The following ASTN2 variants were observed in gnomAD, a reference collection of about 807,000 sequenced individuals.
The protein encoded by ASTN2 is astrotactin 2, also known as astrotactin-2.
ASTN2 carries 54 observed loss-of-function variants against 139.8 expected under a neutral mutation model. The ratio of observed to expected loss-of-function variants is 0.39; its 90% CI spans 0.31 to 0.48. ASTN2 has a LOEUF of 0.48. Among genes scored for constraint, ASTN2 ranks in the 20% least tolerant of loss-of-function variants. The pLI is 0.95. For missense variants in ASTN2, 1,565 were observed against 1,725.1 expected, an observed-to-expected ratio of 0.91 and a Z score of 1.64; for synonymous variants, 756 against 719.5, an observed-to-expected ratio of 1.05 and a Z score of -0.81.
chr9:116,636,140 C>T (rs1488622711), intron 17 of ASTN2, among the ~76,000 whole-genome samples: 1 of 152,168 alleles, frequency 6.6e-6, no homozygotes, highest in Admixed American at 6.5e-5. Flanking sequence ...GCTCCATAAC[C>T]TACTGCTATG....
At chr9:116,839,023 T>A (rs1832106956) in intron 11 of ASTN2, among the ~76,000 whole-genome samples, 1 of 152,204 alleles carries the variant, frequency 6.6e-6, no homozygotes, top group Admixed American at 6.5e-5. Flanking sequence ...AAGGACTAGG[T>A]AAGTATTTGA....
At chr9:116,427,897 T>A (rs1847359877) in intron 22 of ASTN2, among the ~76,000 whole-genome samples, 1 of 152,274 alleles carries the variant, frequency 6.6e-6, no homozygotes, top group Admixed American at 6.5e-5. Flanking sequence ...TCTGGCTTCA[T>A]TCTTTAATAA....
intron 13 of ASTN2, among the ~76,000 whole-genome samples, chr9:116,734,056 G>A (rs111736771): frequency 2.0e-5 from 3 of 152,190 alleles, no homozygotes; most frequent in African/African-American, 7.2e-5. Flanking sequence ...TTTGTTAAAT[G>A]GAAGGGCCCT....
chr9:116,847,026 AC>A (rs367667619), intron 11 of ASTN2, among the ~76,000 whole-genome samples: 4,667 of 121,950 alleles, frequency 0.038, 254 homozygotes, highest in African/African-American at 0.12. Flanking sequence ...AAAAAAAAAA[AC>A]AAAAAACAAA....
intron 2 of ASTN2, among the ~76,000 whole-genome samples, chr9:117,224,868 T>C (rs1832651003): frequency 6.6e-6 from 1 of 152,154 alleles, no homozygotes; most frequent in African/African-American, 2.4e-5. Context: ...GTACCACCTG[T>C]TAGGTCTTGC....
At chr9:116,917,504 T>C (rs971828258) in intron 10 of ASTN2, among the ~76,000 whole-genome samples, 2 of 152,172 alleles carry the variant, frequency 1.3e-5, no homozygotes, top group Non-Finnish European at 2.9e-5. Flanking sequence ...AACTTTTGGG[T>C]CTGGAGACAA....
chr9:117,087,216 CTTTT>C (rs869122186), intron 5 of ASTN2, among the ~76,000 whole-genome samples: 2 of 133,804 alleles, frequency 1.5e-5, no homozygotes, highest in Admixed American at 7.9e-5. Context: ...TCATTTTTTT[CTTTT>C]TGTTTGTTTG....
intron 3 of ASTN2, among the ~76,000 whole-genome samples, chr9:117,170,803 G>T (rs1830773703): frequency 6.6e-6 from 1 of 152,122 alleles, no homozygotes; most frequent in Admixed American, 6.6e-5. Flanking sequence ...GAGGCAGGGA[G>T]CAGAGTGATT....
chr9:117,095,239 G>T (rs950343221), intron 5 of ASTN2, among the ~76,000 whole-genome samples: 1 of 152,166 alleles, frequency 6.6e-6, no homozygotes, highest in East Asian at 1.9e-4. Flanking sequence ...TCTCAAACTG[G>T]CTGCTTTCCC....
intron 19 of ASTN2, among the ~76,000 whole-genome samples, chr9:116,571,088 C>T (rs1231390966): frequency 1.3e-5 from 2 of 152,186 alleles, no homozygotes; most frequent in African/African-American, 4.8e-5. Context: ...TGGAGCTGAT[C>T]TCCCTGGAGA....
intron 2 of ASTN2, among the ~76,000 whole-genome samples, chr9:117,275,118 C>T (rs1379742038): frequency 2.0e-5 from 3 of 152,158 alleles, no homozygotes; most frequent in East Asian, 1.9e-4. Context: ...CTCTATTCTC[C>T]AATATCATCT....
At chr9:116,872,473 T>C (rs1338672150) in intron 10 of ASTN2, among the ~76,000 whole-genome samples, 2 of 152,142 alleles carry the variant, frequency 1.3e-5, no homozygotes, top group East Asian at 3.9e-4. Flanking sequence ...ACATGGTCCA[T>C]TTACTCAGTT....
At chr9:116,622,925 C>A (rs936642685) in intron 17 of ASTN2, among the ~76,000 whole-genome samples, 4 of 152,228 alleles carry the variant, frequency 2.6e-5, no homozygotes, top group African/African-American at 9.6e-5. Flanking sequence ...GATGCGACTG[C>A]ATGAGGTCAT....
At chr9:117,103,985 C>G (rs923148824) in intron 4 of ASTN2, among the ~76,000 whole-genome samples, 13 of 152,150 alleles carry the variant, frequency 8.5e-5, no homozygotes, top group African/African-American at 3.1e-4. Context: ...CTGCTATAGG[C>G]CAGGCACTTT....
chr9:116,471,615 G>A (rs1289896887), intron 20 of ASTN2, among the ~76,000 whole-genome samples: 1 of 151,964 alleles, frequency 6.6e-6, no homozygotes, highest in Non-Finnish European at 1.5e-5. Context: ...GGTGGAGGGA[G>A]GGGGGAATTC....
At chr9:117,376,696 T>A (rs1486872218) in intron 1 of ASTN2, among the ~76,000 whole-genome samples, 1 of 152,182 alleles carries the variant, frequency 6.6e-6, no homozygotes, top group Non-Finnish European at 1.5e-5. Flanking sequence ...CCAGGCTGTG[T>A]CACATTTCTG....
At chr9:116,906,166 G>C (rs1834153879) in intron 10 of ASTN2, among the ~76,000 whole-genome samples, 1 of 152,122 alleles carries the variant, frequency 6.6e-6, no homozygotes, top group Middle Eastern at 3.4e-3. Context: ...ACAGGCTCTT[G>C]GGAAGACAAG....
At chr9:116,580,145 A>T (rs1003703122) in intron 19 of ASTN2, among the ~76,000 whole-genome samples, 3 of 152,214 alleles carry the variant, frequency 2.0e-5, no homozygotes, top group Non-Finnish European at 4.4e-5. Flanking sequence ...AAAGTAAGAA[A>T]GTTAGAAGAT....
At chr9:117,330,756 T>A (rs1207733895) in intron 1 of ASTN2, among the ~76,000 whole-genome samples, 1 of 152,220 alleles carries the variant, frequency 6.6e-6, no homozygotes, top group Non-Finnish European at 1.5e-5. Flanking sequence ...AATTCCCACC[T>A]TTCTTTGTAG....
Sources: gnomAD v4.1 joint callset for allele counts (sites outside exome capture counted in the v4.1 genomes callset) on GRCh38, gnomAD v4.1.1 for gene constraint, MANE v1.5 for transcripts, NCBI Gene and HGNC (gene_info 2026-07-23, HGNC 2026-07-21) for gene names.